CH25H: variants seen among roughly 807,000 people sequenced by gnomAD.
CH25H encodes cholesterol 25-monooxygenase.
In CH25H, 10 loss-of-function variants were observed where a neutral mutation model predicts 16.6. That is an observed-to-expected ratio of 0.60 (90% CI 0.37 to 1.02). The LOEUF (loss-of-function observed/expected upper bound fraction) is 1.02. Among genes scored for constraint, CH25H ranks in the 50% least tolerant of loss-of-function variants. CH25H has a pLI of 0.01. For synonymous variants in CH25H, 178 were observed against 158.8 expected (o/e 1.12, Z -0.91); for missense variants, 326 against 344.7 (o/e 0.95, Z 0.43).
Position 89,206,110 on chromosome 10 carries a change from A to T in CH25H, c.*364T>A, listed in dbSNP as rs1407534937. 11 of 196,906 alleles carry T rather than the reference A, an allele frequency of 5.6e-5. No individual in the cohort carries two copies. The East Asian group carries it at 1.2e-3, about 21-fold the overall frequency. The allele number at this position is 196,906 out of a possible 1,614,324, so 12.2% of individuals were successfully genotyped here. ...AAGTCAACACCATCCACAAAAATAC[A>T]TTCTTTTAGCCAGGTTTTAGAACAC... is the stretch of plus-strand genomic sequence containing the variant. On this transcript the variant is annotated 3_prime_UTR_variant, in exon 1 of 1. Coordinates refer to ENST00000371852, the MANE Select transcript of CH25H (RefSeq NM_003956.4).
rs1024692128 is a variant in CH25H, at chr10:89,206,852, G to A, written c.441C>T (p.His147=). Reference sequence around the variant, plus strand: ...AGGTGCGGTACAGCCAGGGCACCTTGTGGTGCAGCAGGTGCCACACGAAGA... The same window carrying A: ...AGGTGCGGTACAGCCAGGGCACCTTATGGTGCAGCAGGTGCCACACGAAGA... ...MEFFVWHLLH[H]KVPWLYRTFH... Residue 147 remains histidine (H), a synonymous_variant, in exon 1 of 1, where the codon CAC becomes CAT. Coordinates refer to ENST00000371852, the MANE Select transcript of CH25H (RefSeq NM_003956.4). The A allele has an allele frequency of 6.2e-7, 1 of 1,614,240 alleles. No individual in the cohort carries two copies. Among genetic ancestry groups the A allele is most frequent in the Non-Finnish European group, 8.5e-7 (1 of 1,180,026 alleles).
In CH25H at chr10:89,207,094, C is replaced by A. The variant is rs750947273; in HGVS notation, c.199G>T (p.Ala67Ser). 1.2e-6 allele frequency: 2 copies of A among 1,613,846 alleles called. No homozygotes were observed. ...GGGTGGATCTTGTAGCGCCGCAGGG[C>A]GGGCACCCAGGAGCACAGGATATCC... ...VLDILCSWVP[A>S]LRRYKIHPDF... The change falls in exon 1 of 1, where the codon GCC (alanine) becomes TCC (serine). Residue 67 changes from alanine to serine, a missense_variant. Transcript: ENST00000371852.
rs1220511008 is a variant in CH25H at position 89,207,166 on chromosome 10, A to G, written c.127T>C (p.Phe43Leu). The G allele has an allele frequency of 6.2e-7, 1 of 1,612,664 alleles. No individual in the cohort carries two copies. The highest frequency in any genetic ancestry group is 1.3e-5 in the African/African-American group (1 of 75,072). Residue 43 changes from phenylalanine to leucine, a missense_variant, in exon 1 of 1, where the codon TTC (phenylalanine) becomes CTC (leucine). Phe to Leu is a conservative substitution (Grantham distance 22, BLOSUM62 0). Transcript: ENST00000371852. ...LLQSPFFPVI[F>L]SITTYVGFCL... ...AAGCCCACGTATGTGGTGATGGAGA[A>G]GATGACCGGGAAGAAGGGCGACTGT...
chr10:89,207,248 G>T lies in CH25H; in HGVS notation c.45C>A (p.Ser15=). The T allele has an allele frequency of 1.3e-6, 2 of 1,597,964 alleles. No homozygotes were observed. The highest frequency in any genetic ancestry group is 1.7e-6 in the Non-Finnish European group (2 of 1,173,388). ...AGAGGGGCTGCAGGAACAGCTGCCC[G>T]GAGCTGCAAAGGACCTGGGGGTCGG... ...NCSDPQVLCS[S]GQLFLQPLWD... is the part of the protein sequence containing the mutation. Residue 15 remains serine, a synonymous_variant, in exon 1 of 1, where the codon TCC becomes TCA. Transcript: ENST00000371852.
At position 89,206,519 on chromosome 10, in the gene CH25H, G is replaced by T. The variant is rs1183780620; in HGVS notation, c.774C>A (p.Asp258Glu). Reference protein sequence around the residue: ...CNFAPYFTHWDKILGTLRTAS... With the variant: ...CNFAPYFTHWEKILGTLRTAS... Reference sequence around the variant, plus strand: ...CAGTCCGCAGCGTTCCCAGTATTTTGTCCCAGTGTGTAAAGTACGGAGCGA... The same window carrying T: ...CAGTCCGCAGCGTTCCCAGTATTTTTTCCCAGTGTGTAAAGTACGGAGCGA... The change falls in exon 1 of 1, where the codon GAC becomes GAA. Residue 258 changes from aspartate (D) to glutamate (E), a missense_variant. By Grantham distance (45) the Asp-to-Glu change is conservative. Transcript: ENST00000371852. 2.5e-6 allele frequency: 4 copies of T among 1,613,628 alleles called. No homozygotes were observed. The African/African-American group carries it at 4.0e-5, about 16-fold the overall frequency.
Position 89,206,185 on chromosome 10 carries a change from A to C in CH25H, c.*289T>G. 3.0e-6 allele frequency: 1 copy of C among 337,424 alleles called. No individual in the cohort carries two copies. Among genetic ancestry groups the C allele is most frequent in the Non-Finnish European group, 5.5e-6 (1 of 181,392 alleles). The allele number at this position is 337,424 out of a possible 1,614,324, so 20.9% of individuals were successfully genotyped here. On this transcript the variant is annotated 3_prime_UTR_variant, in exon 1 of 1. Coordinates refer to ENST00000371852, the MANE Select transcript of CH25H (RefSeq NM_003956.4). The stretch of plus-strand genomic sequence containing the variant: ...TCTACAAACAAGTCCTTTTAGAGAT[A>C]TTCTAAATATGCCAGTGATGAATGT...
Position 89,206,907 on chromosome 10 carries a change from A to G in CH25H, c.386T>C (p.Leu129Pro). 6.2e-7 allele frequency: 1 copy of G among 1,614,236 alleles called. No homozygotes were observed. The highest frequency in any genetic ancestry group is 1.1e-5 in the South Asian group (1 of 91,082). Residue 129 changes from leucine to proline, a missense_variant, in exon 1 of 1, where the codon CTG becomes CCG. Physicochemically the swap from Leu to Pro is moderately conservative, Grantham distance 98. Transcript: ENST00000371852. ...CATGTCGAAGAGTAGCAGGCAGAAC[A>G]GGATGTGGTGCAGCAGCAGGAGCAG... ...PELLLLLHHI[L>P]FCLLLFDMEF...
In CH25H at chr10:89,206,483, T is replaced by G; in HGVS notation, c.810A>C (p.Pro270=). Residue 270 remains proline (P), a synonymous_variant, in exon 1 of 1, where the codon CCA becomes CCC. Transcript: ENST00000371852. ...ILGTLRTASV[P]AR ...ACCCACCGCAGCCACATCACCGCGC[T>G]GGGACAGATGCAGTCCGCAGCGTTC... 6.2e-7 allele frequency: 1 copy of G among 1,608,356 alleles called. No homozygotes were observed. Among genetic ancestry groups the G allele is most frequent in the Middle Eastern group, 1.7e-4 (1 of 6,056 alleles).
rs2133400585 is a variant in CH25H at position 89,206,210 on chromosome 10, T to C, written c.*264A>G. The C allele has an allele frequency of 2.4e-6, 1 of 420,854 alleles. No individual in the cohort carries two copies. The highest frequency in any genetic ancestry group is 4.3e-5 in the East Asian group (1 of 23,082). 26.1% of individuals were successfully genotyped at this position (420,854 alleles called of 1,614,324 possible). A position where few individuals can be genotyped will look rare whatever the true frequency, so the allele number is the denominator to read the frequency against. On this transcript the variant is annotated 3_prime_UTR_variant, in exon 1 of 1. Coordinates refer to ENST00000371852, the MANE Select transcript of CH25H (RefSeq NM_003956.4). Reference sequence around the variant, plus strand: ...ATTCTAAATATGCCAGTGATGAATGTCTAATTCATATGCAGGATTCAAGGC... The same window carrying C: ...ATTCTAAATATGCCAGTGATGAATGCCTAATTCATATGCAGGATTCAAGGC...
rs528719427 is a variant in CH25H at position 89,206,251 on chromosome 10, G to C, written c.*223C>G. ...GATTCAAGGCTATTGAGGTGAGCTA[G>C]ACTAAGAATACCAAGAACACAAAAT... On this transcript the variant is annotated 3_prime_UTR_variant, in exon 1 of 1. Transcript: ENST00000371852. 3.7e-6 allele frequency: 2 copies of C among 539,382 alleles called. No individual in the cohort carries two copies. The highest frequency in any genetic ancestry group is 1.9e-5 in the African/African-American group (1 of 52,742). The allele number at this position is 539,382 out of a possible 1,614,324, so 33.4% of individuals were successfully genotyped here.
Position 89,207,089 on chromosome 10 carries a change from C to T in CH25H, c.204G>A (p.Leu68=). The change falls in exon 1 of 1, where the codon CTG becomes CTA. Residue 68 remains leucine (L), a synonymous_variant. Coordinates refer to ENST00000371852, the MANE Select transcript of CH25H (RefSeq NM_003956.4). ...LDILCSWVPA[L]RRYKIHPDFS... ...AGTCAGGGTGGATCTTGTAGCGCCGCAGGGCGGGCACCCAGGAGCACAGGA... is the reference window on the plus strand; with the variant it reads ...AGTCAGGGTGGATCTTGTAGCGCCGTAGGGCGGGCACCCAGGAGCACAGGA... 1.2e-6 allele frequency: 2 copies of T among 1,613,968 alleles called. No homozygotes were observed. Among genetic ancestry groups the T allele is most frequent in the Non-Finnish European group, 1.7e-6 (2 of 1,179,904 alleles).
rs754613437 is a variant in CH25H at position 89,206,499 on chromosome 10, C to T, written c.794G>A (p.Arg265Gln). Residue 265 changes from arginine (R) to glutamine (Q), a missense_variant, in exon 1 of 1, where the codon CGG becomes CAG. Arg to Gln is a conservative substitution (Grantham distance 43). Coordinates refer to ENST00000371852, the MANE Select transcript of CH25H (RefSeq NM_003956.4). ...TCACCGCGCTGGGACAGATGCAGTC[C>T]GCAGCGTTCCCAGTATTTTGTCCCA... ...THWDKILGTL[R>Q]TASVPAR 6.2e-7 allele frequency: 1 copy of T among 1,611,720 alleles called. No homozygotes were observed. Among genetic ancestry groups the T allele is most frequent in the Non-Finnish European group, 8.5e-7 (1 of 1,178,872 alleles).
chr10:89,206,800 A>G lies in CH25H; in HGVS notation c.493T>C (p.Ser165Pro). The G allele has an allele frequency of 6.2e-7, 1 of 1,614,214 alleles. No homozygotes were observed. The highest frequency in any genetic ancestry group is 1.1e-5 in the South Asian group (1 of 91,084). The change falls in exon 1 of 1, where the codon TCC (serine) becomes CCC (proline). Residue 165 changes from serine (S) to proline (P), a missense_variant. Coordinates refer to ENST00000371852, the MANE Select transcript of CH25H (RefSeq NM_003956.4). ...TFHKVHHQNS[S>P]SFALATQYMS... ...TACTGCGTTGCCAGCGCGAACGAGG[A>G]CGAGTTCTGGTGGTGCACCTTGTGG...
rs779893163 is a variant in CH25H at position 89,206,949 on chromosome 10, G to A, written c.344C>T (p.Pro115Leu). 6.2e-7 allele frequency: 1 copy of A among 1,614,156 alleles called. No individual in the cohort carries two copies. The highest frequency in any genetic ancestry group is 8.5e-7 in the Non-Finnish European group (1 of 1,180,002). Reference sequence around the variant, plus strand: ...CAGGAGCAGCTCGGGAGCTTCGTGGGGCAGGAGGGCCGGGCTGCGGGCCCA... The same window carrying A: ...CAGGAGCAGCTCGGGAGCTTCGTGGAGCAGGAGGGCCGGGCTGCGGGCCCA... Reference protein sequence around the residue: ...LHWARSPALLPHEAPELLLLL... With the variant: ...LHWARSPALLLHEAPELLLLL... Residue 115 changes from proline (P) to leucine (L), a missense_variant, in exon 1 of 1, where the codon CCC (proline) becomes CTC (leucine). Coordinates refer to ENST00000371852, the MANE Select transcript of CH25H (RefSeq NM_003956.4).
At position 89,206,770 on chromosome 10, in the gene CH25H, T is replaced by C. The variant is rs766230837; in HGVS notation, c.523A>G (p.Ser175Gly). 1.5e-5 allele frequency: 24 copies of C among 1,614,102 alleles called. No individual in the cohort carries two copies. The highest frequency in any genetic ancestry group is 1.9e-5 in the Non-Finnish European group (23 of 1,180,060). ...SSFALATQYM[S>G]VWELFSLGFF... ...CCCAAAGAAAACAGTTCCCAGACGC[T>C]CATATACTGCGTTGCCAGCGCGAAC... The change falls in exon 1 of 1, where the codon AGC becomes GGC. Residue 175 changes from serine to glycine, a missense_variant. Ser to Gly is a moderately conservative substitution (Grantham distance 56). Coordinates refer to ENST00000371852, the MANE Select transcript of CH25H (RefSeq NM_003956.4).
In CH25H at chr10:89,207,121, G is replaced by C. The variant is rs1164619977; in HGVS notation, c.172C>G (p.Leu58Val). 6.2e-7 allele frequency: 1 copy of C among 1,613,814 alleles called. No individual in the cohort carries two copies. The highest frequency in any genetic ancestry group is 1.1e-5 in the South Asian group (1 of 90,984). The change falls in exon 1 of 1, where the codon CTG (leucine) becomes GTG (valine). Residue 58 changes from leucine to valine, a missense_variant. Physicochemically the swap from Leu to Val is conservative, Grantham distance 32. Coordinates refer to ENST00000371852, the MANE Select transcript of CH25H (RefSeq NM_003956.4). ...GGCACCCAGGAGCACAGGATATCCA[G>C]GACCACGAAGGGCAGGCAAAAGCCC... ...YVGFCLPFVV[L>V]DILCSWVPAL...
chr10:89,206,964 C>G lies in CH25H; in HGVS notation c.329G>C (p.Ser110Thr). Residue 110 changes from serine (S) to threonine (T), a missense_variant, in exon 1 of 1, where the codon AGC becomes ACC. Physicochemically the swap from Ser to Thr is moderately conservative, Grantham distance 58. Transcript: ENST00000371852. ...FPVTLLHWAR[S>T]PALLPHEAPE... The stretch of plus-strand genomic sequence containing the variant: ...AGCTTCGTGGGGCAGGAGGGCCGGG[C>G]TGCGGGCCCAATGCAGCAGCGTCAC... The G allele has an allele frequency of 6.2e-7, 1 of 1,614,122 alleles. No individual in the cohort carries two copies. The highest frequency in any genetic ancestry group is 8.5e-7 in the Non-Finnish European group (1 of 1,180,002).
Position 89,207,066 on chromosome 10 carries a change from T to A in CH25H, c.227A>T (p.Asp76Val). ...CAGCTGCTGCGCGGATGGCGAGAAG[T>A]CAGGGTGGATCTTGTAGCGCCGCAG... is the stretch of plus-strand genomic sequence containing the variant. ...PALRRYKIHP[D>V]FSPSAQQLLP... The change falls in exon 1 of 1, where the codon GAC (aspartate) becomes GTC (valine). Residue 76 changes from aspartate (D) to valine (V), a missense_variant. By Grantham distance (152) the Asp-to-Val change is radical. Transcript: ENST00000371852. 6.2e-7 allele frequency: 1 copy of A among 1,613,870 alleles called. No homozygotes were observed. The highest frequency in any genetic ancestry group is 2.2e-5 in the East Asian group (1 of 44,876).
Position 89,205,917 on chromosome 10 carries a change from A to G in CH25H, c.*557T>C, listed in dbSNP as rs1042672621. The G allele has an allele frequency of 2.6e-5, 4 of 153,398 alleles. No individual in the cohort carries two copies. Among genetic ancestry groups the G allele is most frequent in the African/African-American group, 9.7e-5 (4 of 41,438 alleles). The allele number at this position is 153,398 out of a possible 1,614,324, so 9.5% of individuals were successfully genotyped here. A position where few individuals can be genotyped will look rare whatever the true frequency, so the allele number is the denominator to read the frequency against. ...TCCCTTTTTTATCAGTCAAAATACC[A>G]GTGAAACGGAAGTCAATACTTATTT... On this transcript the variant is annotated 3_prime_UTR_variant, in exon 1 of 1. Coordinates refer to ENST00000371852, the MANE Select transcript of CH25H (RefSeq NM_003956.4).
Sources: allele counts gnomAD v4.1 joint callset, GRCh38; gene constraint gnomAD v4.1.1; transcripts MANE v1.5; gene names NCBI Gene and HGNC (gene_info 2026-07-23, HGNC 2026-07-21).